CEACAM21: variants seen among roughly 807,000 people sequenced by gnomAD.
CEACAM21 encodes cell adhesion molecule CEACAM21.
CEACAM21 carries 38 observed loss-of-function variants against 33.2 expected under a neutral mutation model. The observed-to-expected ratio is 1.14, with a 90% confidence interval of 0.88 to 1.50. The LOEUF (loss-of-function observed/expected upper bound fraction) is 1.50, where lower values mean the gene tolerates loss of function less well. CEACAM21 is among the 40% of genes most tolerant of loss of function. CEACAM21 has a pLI of 0.00. For synonymous variants in CEACAM21, 156 were observed against 143.0 expected, an observed-to-expected ratio of 1.09 and a Z score of -0.65; for missense variants, 385 against 364.6, an observed-to-expected ratio of 1.06 and a Z score of -0.46.
chr19:41,558,444 G>A (rs910319480), intron 1 of CEACAM21, among the ~76,000 whole-genome samples: 4 of 152,024 alleles, frequency 2.6e-5, no homozygotes, highest in Admixed American at 2.0e-4. Flanking sequence ...TCAGGAGATC[G>A]AGACCACCCT....
Position 41,577,190 on chromosome 19 carries a change from C to T in CEACAM21, c.65-10C>T, listed in dbSNP as rs1555791372. 7 of 1,613,708 alleles carry T rather than the reference C, an allele frequency of 4.3e-6. No homozygotes were observed. The highest frequency in any genetic ancestry group is 5.9e-6 in the Non-Finnish European group (7 of 1,179,958). ...GTCAAATATTGACTGATATTCTCTC[C>T]CTTTCCTAGCCTCACTTTTAACTTT... is the stretch of plus-strand genomic sequence containing the variant. On this transcript the variant is annotated splice_polypyrimidine_tract_variant and intron_variant, in intron 1 of 6. Transcript: ENST00000401445.
At chr19:41,567,369 A>C (rs2042332986) in intron 2 of CEACAM21, among the ~76,000 whole-genome samples, 1 of 152,224 alleles carries the variant, frequency 6.6e-6, no homozygotes, top group South Asian at 2.1e-4. Context: ...CTTGTGATTG[A>C]GCAAATGCAC....
intron 2 of CEACAM21, among the ~76,000 whole-genome samples, chr19:41,567,166 C>T (rs2042318414): frequency 1.3e-5 from 2 of 151,948 alleles, no homozygotes; most frequent in Admixed American, 1.3e-4. Flanking sequence ...TAAAAGAAGG[C>T]ATGGGAATAC....
At chr19:41,577,646 CCCCCT>C in intron 2 of CEACAM21, 87 bp downstream of exon 2, 1 of 1,570,196 alleles carries the variant, frequency 6.4e-7, no homozygotes, top group Non-Finnish European at 8.6e-7. Flanking sequence ...GTGCCTGCAT[CCCCCT>C]CTGCATTACG....
intron 2 of CEACAM21, among the ~76,000 whole-genome samples, chr19:41,566,655 T>G (rs2042284571): frequency 6.6e-6 from 1 of 152,250 alleles, no homozygotes; most frequent in South Asian, 2.1e-4. Flanking sequence ...TATCATGCTA[T>G]AACAGCTTCT....
At chr19:41,562,949 C>G (rs1555787261) in intron 1 of CEACAM21, among the ~76,000 whole-genome samples, 2 of 152,062 alleles carry the variant, frequency 1.3e-5, no homozygotes, top group African/African-American at 4.8e-5. Flanking sequence ...AGGATGGTCT[C>G]GATCTCCTGA....
chr19:41,585,271 T>G (rs904596572), intron 4 of CEACAM21, among the ~76,000 whole-genome samples, 172 bp from the exon 5 acceptor site: 1 of 152,076 alleles, frequency 6.6e-6, no homozygotes, highest in Non-Finnish European at 1.5e-5. Context: ...TGTGGCTTTG[T>G]AAGGCCTTTC....
At chr19:41,578,602 T>C (rs1270607622) in intron 2 of CEACAM21, among the ~76,000 whole-genome samples, 14 of 152,182 alleles carry the variant, frequency 9.2e-5, no homozygotes, top group African/African-American at 3.4e-4. Context: ...CCTTTCTTCT[T>C]GGGCATCCTC....
chr19:41,552,875 C>T (rs1001203955), intron 1 of CEACAM21, among the ~76,000 whole-genome samples: 3 of 152,098 alleles, frequency 2.0e-5, no homozygotes, highest in African/African-American at 7.2e-5. Flanking sequence ...GTCTAGTCTT[C>T]AGTTCACAGG....
intron 2 of CEACAM21, 133 bp from the exon 3 acceptor site, chr19:41,579,220 C>A (rs2043180211): frequency 6.8e-7 from 1 of 1,459,930 alleles, no homozygotes; most frequent in Non-Finnish European, 9.4e-7. Context: ...ATGGGTGTCT[C>A]TGGTTCTCTC....
chr19:41,552,123 C>T (rs2041248138), intron 1 of CEACAM21: 1 of 152,172 alleles, frequency 6.6e-6, no homozygotes, highest in Admixed American at 6.5e-5. Context: ...TGTCAGTGTG[C>T]ATTTATCTAA....
intron 3 of CEACAM21, among the ~76,000 whole-genome samples, chr19:41,581,815 TG>T (rs2043411199): frequency 6.6e-6 from 1 of 152,120 alleles, no homozygotes; most frequent in Admixed American, 6.5e-5. Flanking sequence ...CCCCAACACG[TG>T]GGGATTATTA....
At position 41,577,375 on chromosome 19, in the gene CEACAM21, A is replaced by C; in HGVS notation, c.240A>C (p.Ala80=). ...GKTVEPNQLI[A]AYVIDTHVRT... Reference sequence around the variant, plus strand: ...CGGTGGAGCCCAACCAGCTAATCGCAGCATATGTAATAGACACTCACGTTA... The same window carrying C: ...CGGTGGAGCCCAACCAGCTAATCGCCGCATATGTAATAGACACTCACGTTA... Residue 80 remains alanine, a synonymous_variant, in exon 2 of 7, where the codon GCA becomes GCC. Coordinates refer to ENST00000401445, the MANE Select transcript of CEACAM21 (RefSeq NM_001098506.4). The C allele has an allele frequency of 6.2e-7, 1 of 1,612,968 alleles. No homozygotes were observed. Among genetic ancestry groups the C allele is most frequent in the Non-Finnish European group, 8.5e-7 (1 of 1,179,982 alleles).
chr19:41,556,183 G>A (rs543358312), intron 1 of CEACAM21, among the ~76,000 whole-genome samples: 1 of 152,272 alleles, frequency 6.6e-6, no homozygotes, highest in African/African-American at 2.4e-5. Flanking sequence ...CCAAAAGGAA[G>A]GTAAAGAAGG....
Position 41,585,769 on chromosome 19 carries a change from C to A in CEACAM21, c.851-71C>A, listed in dbSNP as rs1600303362. The A allele has an allele frequency of 2.7e-6, 4 of 1,477,680 alleles. No individual in the cohort carries two copies. The South Asian group carries it at 3.5e-5, about 13-fold the overall frequency. 91.5% of individuals were successfully genotyped at this position (1,477,680 alleles called of 1,614,324 possible). A position where few individuals can be genotyped will look rare whatever the true frequency, so the allele number is the denominator to read the frequency against. Reference sequence around the variant, plus strand: ...CCCCAATTCTCTAAGAACTGAGGACCCCCACACACTCTTGCAGGAGGGGCC... The same window carrying A: ...CCCCAATTCTCTAAGAACTGAGGACACCCACACACTCTTGCAGGAGGGGCC... On this transcript the variant is annotated intron_variant, in intron 5 of 6. Coordinates refer to ENST00000401445, the MANE Select transcript of CEACAM21 (RefSeq NM_001098506.4).
At chr19:41,563,155 G>T (rs980077284) in intron 1 of CEACAM21, among the ~76,000 whole-genome samples, 1 of 152,206 alleles carries the variant, frequency 6.6e-6, no homozygotes, top group East Asian at 1.9e-4. Flanking sequence ...TACTGAGAGT[G>T]GGGTGGGGAA....
At chr19:41,585,743 T>C in intron 5 of CEACAM21, 97 bp from the exon 6 acceptor site, 1 of 1,305,688 alleles carries the variant, frequency 7.7e-7, no homozygotes, top group East Asian at 2.5e-5. Flanking sequence ...AGGCTCCCTC[T>C]CCCCAATTCT....
At position 41,586,774 on chromosome 19, in the gene CEACAM21, A is replaced by T. The variant is rs545129203; in HGVS notation, c.*311A>T. 1.1e-5 allele frequency: 4 copies of T among 349,130 alleles called. No individual in the cohort carries two copies. Among genetic ancestry groups the T allele is most frequent in the Non-Finnish European group, 2.2e-5 (4 of 180,436 alleles). 21.6% of individuals were successfully genotyped at this position (349,130 alleles called of 1,614,324 possible). ...CCACAGGAAGTGGGGGCTTGCAGGG[A>T]AAGTGAATGGGCCTATGGCCCACCC... On this transcript the variant is annotated 3_prime_UTR_variant, in exon 7 of 7. Transcript: ENST00000401445.
intron 1 of CEACAM21, chr19:41,550,104 A>G (rs1301167750): frequency 1.3e-5 from 2 of 152,240 alleles, no homozygotes; most frequent in East Asian, 3.8e-4. Context: ...TGATGATTGT[A>G]CTAAACAAAA....
Sources: gnomAD v4.1 joint callset for allele counts (sites outside exome capture counted in the v4.1 genomes callset) on GRCh38, gnomAD v4.1.1 for gene constraint, MANE v1.5 for transcripts, NCBI Gene and HGNC (gene_info 2026-07-23, HGNC 2026-07-21) for gene names.